The following CXCL17 variants were observed in gnomAD, a reference collection of about 807,000 sequenced individuals.
The protein encoded by CXCL17 is C-X-C motif chemokine ligand 17.
Under a neutral mutation model 15.5 loss-of-function variants are expected in CXCL17, and 9 were observed. The observed-to-expected ratio is 0.58, with a 90% CI of 0.35 to 1.01. The LOEUF (loss-of-function observed/expected upper bound fraction) is 1.01. CXCL17 is among the 50% of genes least tolerant of loss of function. CXCL17 has a pLI of 0.02. For synonymous variants in CXCL17, 52 were observed against 52.3 expected (o/e 0.99, Z 0.02); for missense variants, 133 against 138.2 (o/e 0.96, Z 0.19).
chr19:42,433,713 G>C (rs566435104), intron 2 of CXCL17, 63 bp downstream of exon 2: 1 of 1,386,770 alleles, frequency 7.2e-7, no homozygotes, highest in Non-Finnish European at 1.0e-6. Flanking sequence ...TCTCAGAGGG[G>C]CCCAAGGGAG....
chr19:42,440,490 T>C (rs8103108), intron 1 of CXCL17, among the ~76,000 whole-genome samples: 11,176 of 152,198 alleles, frequency 0.073, 1,336 homozygotes, highest in African/African-American at 0.25. Context: ...CGCCACCCAC[T>C]CGACGTGGTT....
chr19:42,431,381 G>A (rs563897318), intron 3 of CXCL17, among the ~76,000 whole-genome samples: 6 of 152,252 alleles, frequency 3.9e-5, no homozygotes, highest in Admixed American at 2.0e-4. Context: ...TTGGCAGCTT[G>A]TCATTTTATT....
chr19:42,438,328 A>G (rs933815616), intron 1 of CXCL17, among the ~76,000 whole-genome samples: 4 of 125,058 alleles, frequency 3.2e-5, no homozygotes, highest in Non-Finnish European at 6.3e-5. Flanking sequence ...ACTGCACTCC[A>G]GCCTGGGCGA....
chr19:42,430,030 G>A (rs1002571066), intron 3 of CXCL17, among the ~76,000 whole-genome samples: 1 of 151,988 alleles, frequency 6.6e-6, no homozygotes, highest in African/African-American at 2.4e-5. Flanking sequence ...AGCCAGGCAT[G>A]GTGGCGTGTA....
chr19:42,433,697 C>G lies in CXCL17; in HGVS notation c.160+79G>C. 1.2e-5 allele frequency: 14 copies of G among 1,178,744 alleles called. No individual in the cohort carries two copies. The South Asian group carries it at 1.7e-4, about 14-fold the overall frequency. 73.0% of individuals were successfully genotyped at this position (1,178,744 alleles called of 1,614,324 possible). On this transcript the variant is annotated intron_variant, in intron 2 of 3. Transcript: ENST00000601181. ...GTGAGGTCAGCTGAGATAACATCTG[C>G]ATTGGTCTCAGAGGGGCCCAAGGGA...
At chr19:42,434,907 C>A (rs891181967) in intron 1 of CXCL17, among the ~76,000 whole-genome samples, 2 of 152,046 alleles carry the variant, frequency 1.3e-5, no homozygotes, top group African/African-American at 4.8e-5. Context: ...AGGCTGGGCA[C>A]GGTGGCTCAT....
chr19:42,436,879 A>G (rs1465667696), intron 1 of CXCL17, among the ~76,000 whole-genome samples: 2 of 152,196 alleles, frequency 1.3e-5, no homozygotes, highest in African/African-American at 4.8e-5. Flanking sequence ...TACTGGGTCA[A>G]AAGTTAAGAA....
At chr19:42,429,034 CT>C (rs1555792288) in intron 3 of CXCL17, 53 bp from the exon 4 acceptor site, 7,777 of 1,197,080 alleles carry the variant, frequency 6.5e-3, no homozygotes, top group East Asian at 8.7e-3. Flanking sequence ...TTTAACATTT[CT>C]TTTTTTTTTG....
At chr19:42,438,381 A>AAAATATATATAT (rs1555793041) in intron 1 of CXCL17, among the ~76,000 whole-genome samples, 2 of 63,850 alleles carry the variant, frequency 3.1e-5, no homozygotes, top group Admixed American at 2.8e-4. Context: ...AAAAAAAAAA[A>AAAATATATATAT]ATATATATAT....
chr19:42,433,503 G>A (rs150378737), intron 2 of CXCL17, among the ~76,000 whole-genome samples: 1 of 152,204 alleles, frequency 6.6e-6, no homozygotes, highest in Non-Finnish European at 1.5e-5. Flanking sequence ...AAATAAAAAG[G>A]CTTTTGGACG....
chr19:42,442,537 T>A (rs1020732298), intron 1 of CXCL17, among the ~76,000 whole-genome samples: 12 of 152,168 alleles, frequency 7.9e-5, no homozygotes, highest in African/African-American at 2.9e-4. Context: ...CCCGGCCAGT[T>A]GCAGATATTT....
chr19:42,442,665 A>C, intron 1 of CXCL17, 89 bp downstream of exon 1: 1 of 917,782 alleles, frequency 1.1e-6, no homozygotes, highest in Non-Finnish European at 1.8e-6. Context: ...CATCCCCCAT[A>C]GCTAAGAGAA....
chr19:42,438,599 C>A (rs1012661676), intron 1 of CXCL17, among the ~76,000 whole-genome samples: 38 of 151,710 alleles, frequency 2.5e-4, no homozygotes, highest in African/African-American at 9.0e-4. Context: ...CCAGCTCTGA[C>A]CACTAGAGGG....
In CXCL17 at chr19:42,428,775, G is replaced by T; in HGVS notation, c.*109C>A. On this transcript the variant is annotated 3_prime_UTR_variant, in exon 4 of 4. Coordinates refer to ENST00000601181, the MANE Select transcript of CXCL17 (RefSeq NM_198477.3). ...TTTTGAGAGCACTGGAATGATTTAG[G>T]GGTGGGTACAGTGGGAGAGTGAGGT... 1.2e-6 allele frequency: 1 copy of T among 801,656 alleles called. No homozygotes were observed. Among genetic ancestry groups the T allele is most frequent in the Non-Finnish European group, 2.2e-6 (1 of 455,692 alleles). 49.7% of individuals were successfully genotyped at this position (801,656 alleles called of 1,614,324 possible).
intron 3 of CXCL17, among the ~76,000 whole-genome samples, chr19:42,429,208 G>C (rs887067687): frequency 6.6e-6 from 1 of 151,956 alleles, no homozygotes; most frequent in Admixed American, 6.6e-5. Context: ...TTGTATTTTA[G>C]TAGAGACAGG....
At chr19:42,433,698 A>C in intron 2 of CXCL17, 78 bp downstream of exon 2, 1 of 1,199,972 alleles carries the variant, frequency 8.3e-7, no homozygotes, top group Non-Finnish European at 1.2e-6. Context: ...TAACATCTGC[A>C]TTGGTCTCAG....
chr19:42,436,582 G>A (rs2040836445), intron 1 of CXCL17, among the ~76,000 whole-genome samples: 1 of 151,854 alleles, frequency 6.6e-6, no homozygotes, highest in Non-Finnish European at 1.5e-5. Flanking sequence ...TGGTATTTTG[G>A]CATATTTGTT....
chr19:42,428,767 T>C lies in CXCL17; in HGVS notation c.*117A>G. 1.1e-5 allele frequency: 8 copies of C among 758,830 alleles called. No homozygotes were observed. In the South Asian group the frequency reaches 1.2e-4, roughly 12 times the overall value. 47.0% of individuals were successfully genotyped at this position (758,830 alleles called of 1,614,324 possible). On this transcript the variant is annotated 3_prime_UTR_variant, in exon 4 of 4. Transcript: ENST00000601181. The stretch of plus-strand genomic sequence containing the variant: ...AACATGCTTTTTGAGAGCACTGGAA[T>C]GATTTAGGGGTGGGTACAGTGGGAG...
At chr19:42,439,576 C>A (rs1461850008) in intron 1 of CXCL17, among the ~76,000 whole-genome samples, 1 of 152,102 alleles carries the variant, frequency 6.6e-6, no homozygotes, top group African/African-American at 2.4e-5. Flanking sequence ...AGTAGAGAAA[C>A]CTGGCAGACA....
Sources: gnomAD v4.1 joint callset for allele counts (sites outside exome capture counted in the v4.1 genomes callset) on GRCh38, gnomAD v4.1.1 for gene constraint, MANE v1.5 for transcripts, NCBI Gene and HGNC (gene_info 2026-07-23, HGNC 2026-07-21) for gene names.